STX6: variants seen among roughly 807,000 people sequenced by gnomAD.
STX6 encodes the protein syntaxin 6.
A neutral mutation model predicts 38.0 loss-of-function variants in STX6; 23 were observed. That is an observed-to-expected ratio of 0.60 (90% CI 0.43 to 0.86). The LOEUF (loss-of-function observed/expected upper bound fraction) is 0.86, where lower values mean the gene tolerates loss of function less well. Among genes scored for constraint, STX6 ranks in the 40% least tolerant of loss-of-function variants. The pLI is 0.00. For missense variants in STX6, 274 were observed against 312.9 expected, an observed-to-expected ratio of 0.88 and a Z score of 0.94; for synonymous variants, 123 against 107.5, an observed-to-expected ratio of 1.14 and a Z score of -0.89.
chr1:180,998,193 TA>T (rs1655968649), intron 3 of STX6, among the ~76,000 whole-genome samples: 2 of 152,190 alleles, frequency 1.3e-5, no homozygotes, highest in Non-Finnish European at 2.9e-5. Flanking sequence ...TTATCATAAT[TA>T]AATGTGTATT....
chr1:181,001,044 G>C (rs1656067582), intron 3 of STX6, among the ~76,000 whole-genome samples: 1 of 152,180 alleles, frequency 6.6e-6, no homozygotes, highest in African/African-American at 2.4e-5. Flanking sequence ...CTGAGGTCCA[G>C]AAAGGTTTCT....
At chr1:180,994,022 T>A (rs866778333) in intron 3 of STX6, among the ~76,000 whole-genome samples, 1 of 152,210 alleles carries the variant, frequency 6.6e-6, no homozygotes, top group African/African-American at 2.4e-5. Flanking sequence ...TATAGACTAT[T>A]CCTAACATCA....
intron 3 of STX6, among the ~76,000 whole-genome samples, chr1:181,000,352 G>A: frequency 6.6e-6 from 1 of 152,208 alleles, no homozygotes; most frequent in Non-Finnish European, 1.5e-5. Flanking sequence ...GTTCAGCATG[G>A]CTGGGGAAGC....
At chr1:181,019,296 A>C (rs546919246) in intron 1 of STX6, among the ~76,000 whole-genome samples, 1 of 151,822 alleles carries the variant, frequency 6.6e-6, no homozygotes, top group Non-Finnish European at 1.5e-5. Context: ...CCATCAACAA[A>C]GAGTATGTGT....
intron 7 of STX6, among the ~76,000 whole-genome samples, chr1:180,981,231 T>C (rs1655405681): frequency 6.6e-6 from 1 of 152,088 alleles, no homozygotes; most frequent in Non-Finnish European, 1.5e-5. Context: ...CGTACCACCG[T>C]GATGCTTGAT....
At chr1:180,981,569 A>G (rs1485524738) in intron 7 of STX6, among the ~76,000 whole-genome samples, 1 of 151,992 alleles carries the variant, frequency 6.6e-6, no homozygotes, top group Non-Finnish European at 1.5e-5. Flanking sequence ...TTGGCTTTCC[A>G]TCAGCCTCTA....
chr1:180,973,277 C>T lies in STX6; in HGVS notation c.*3293G>A, dbSNP rs1655169861. 6.6e-6 allele frequency: 1 copy of T among 152,150 alleles called. No individual in the cohort carries two copies. The highest frequency in any genetic ancestry group is 2.4e-5 in the African/African-American group (1 of 41,402). 9.4% of individuals were successfully genotyped at this position (152,150 alleles called of 1,614,324 possible). A position where few individuals can be genotyped will look rare whatever the true frequency, so the allele number is the denominator to read the frequency against. ...GTACAAAGTCCACAGAATTGAAAAGCCATTCATATTTATCATTCAATTTTT... is the reference window on the plus strand; with the variant it reads ...GTACAAAGTCCACAGAATTGAAAAGTCATTCATATTTATCATTCAATTTTT... On this transcript the variant is annotated 3_prime_UTR_variant, in exon 8 of 8. Transcript: ENST00000258301.
intron 3 of STX6, among the ~76,000 whole-genome samples, chr1:180,999,888 CCTCT>C (rs1199333556): frequency 3.9e-5 from 6 of 152,172 alleles, no homozygotes; most frequent in Non-Finnish European, 5.9e-5. Flanking sequence ...CCCTCTGCTC[CCTCT>C]CTATCGAGCT....
intron 1 of STX6, among the ~76,000 whole-genome samples, chr1:181,012,024 A>G (rs1314696487): frequency 6.6e-6 from 1 of 152,222 alleles, no homozygotes; most frequent in African/African-American, 2.4e-5. Flanking sequence ...CAACTATGTA[A>G]TCAGAAAAAT....
At position 181,020,023 on chromosome 1, in the gene STX6, C is replaced by T. The variant is rs148154384; in HGVS notation, c.35+2616G>A. On this transcript the variant is annotated intron_variant, in intron 1 of 7. Coordinates refer to ENST00000258301, the MANE Select transcript of STX6 (RefSeq NM_005819.6). The stretch of plus-strand genomic sequence containing the variant: ...TAAAAAATACAAAAAATTAGCCGGG[C>T]GTGGTGGCGGGTGCCCTGCCCATAG... 1.1e-3 allele frequency among the ~76,000 whole-genome samples: 174 copies of T among 152,038 alleles called. 2 individuals are homozygous for T. In the East Asian group the frequency reaches 0.017, roughly 15 times the overall value.
Position 180,987,376 on chromosome 1 carries a change from C to T in STX6, c.596+863G>A, listed in dbSNP as rs1431447977. On this transcript the variant is annotated intron_variant, in intron 6 of 7. Coordinates refer to ENST00000258301, the MANE Select transcript of STX6 (RefSeq NM_005819.6). Reference sequence around the variant, plus strand: ...CACAGGGGCCCTCCCACTTCACTGCCATCACCTAATGACCCCTCGCCACTT... The same window carrying T: ...CACAGGGGCCCTCCCACTTCACTGCTATCACCTAATGACCCCTCGCCACTT... 5.3e-5 allele frequency among the ~76,000 whole-genome samples: 8 copies of T among 152,214 alleles called. No individual in the cohort carries two copies. The South Asian group carries it at 1.7e-3, about 32-fold the overall frequency.
At chr1:181,021,398 A>C (rs1322300868) in intron 1 of STX6, among the ~76,000 whole-genome samples, 2 of 152,224 alleles carry the variant, frequency 1.3e-5, no homozygotes, top group Non-Finnish European at 2.9e-5. Flanking sequence ...GAAGAAAAAA[A>C]ACTTTCCAGG....
intron 3 of STX6, among the ~76,000 whole-genome samples, chr1:180,999,876 A>C (rs1172925025): frequency 1.3e-5 from 2 of 152,240 alleles, no homozygotes; most frequent in Non-Finnish European, 2.9e-5. Context: ...CAAATCTGCT[A>C]ACCCTCTGCT....
At chr1:181,016,755 T>G (rs546536058) in intron 1 of STX6, among the ~76,000 whole-genome samples, 1 of 152,210 alleles carries the variant, frequency 6.6e-6, no homozygotes, top group Non-Finnish European at 1.5e-5. Flanking sequence ...CTTATGTCAT[T>G]ATTTCAACAT....
Position 181,022,704 on chromosome 1 carries a change from TC to T in STX6, c.-32del. ...CCCGGCCCCGGCCGCCTTCACCTCC[TC>T]CGCGCACAGGGCGCCCGTGCCTCCC... On this transcript the variant is annotated 5_prime_UTR_variant, in exon 1 of 8. Coordinates refer to ENST00000258301, the MANE Select transcript of STX6 (RefSeq NM_005819.6). 6.3e-7 allele frequency: 1 copy of T among 1,595,340 alleles called. No homozygotes were observed. Among genetic ancestry groups the T allele is most frequent in the Non-Finnish European group, 8.5e-7 (1 of 1,172,584 alleles).
intron 3 of STX6, among the ~76,000 whole-genome samples, chr1:180,994,331 T>C (rs565214544): frequency 6.6e-5 from 10 of 152,342 alleles, no homozygotes; most frequent in African/African-American, 2.4e-4. Context: ...ATCCCAGAAC[T>C]GTGGTAAATG....
intron 6 of STX6, among the ~76,000 whole-genome samples, chr1:180,985,878 C>T (rs538999549): frequency 6.6e-6 from 1 of 152,356 alleles, no homozygotes; most frequent in Admixed American, 6.5e-5. Context: ...CCACAATAGA[C>T]ACCTGACAGC....
intron 1 of STX6, among the ~76,000 whole-genome samples, chr1:181,015,849 T>C (rs1656539892): frequency 6.6e-6 from 1 of 152,108 alleles, no homozygotes; most frequent in African/African-American, 2.4e-5. Context: ...TTGGTAGAGA[T>C]GGGGTTTCAC....
At chr1:181,004,773 T>C (rs1275018777) in intron 2 of STX6, among the ~76,000 whole-genome samples, 1 of 152,028 alleles carries the variant, frequency 6.6e-6, no homozygotes, top group Non-Finnish European at 1.5e-5. Flanking sequence ...TCGTGGGAAC[T>C]CCAATTTATA....
Sources: allele counts gnomAD v4.1 joint callset (sites outside exome capture counted in the v4.1 genomes callset), GRCh38; gene constraint gnomAD v4.1.1; transcripts MANE v1.5; gene names NCBI Gene and HGNC (gene_info 2026-07-23, HGNC 2026-07-21).